The following PPFIA2 variants were observed in gnomAD, a reference collection of about 807,000 sequenced individuals.
PPFIA2 encodes the protein PPFI scaffold protein A2.
PPFIA2 carries 46 observed loss-of-function variants against 175.5 expected under a neutral mutation model. That is an observed-to-expected ratio of 0.26 (90% CI 0.21 to 0.34). PPFIA2 has a LOEUF of 0.34. Among genes scored for constraint, PPFIA2 ranks in the 10% least tolerant of loss-of-function variants. The probability of loss-of-function intolerance (pLI) is 1.00; values close to 1 mark genes in which losing one functional copy is unlikely to be tolerated. For missense variants in PPFIA2, 1,179 were observed against 1,506.1 expected, an observed-to-expected ratio of 0.78 and a Z score of 3.60; for synonymous variants, 568 against 511.4, an observed-to-expected ratio of 1.11 and a Z score of -1.49.
intron 4 of PPFIA2, among the ~76,000 whole-genome samples, chr12:81,607,851 T>C (rs1209962479): frequency 6.6e-6 from 1 of 152,216 alleles, no homozygotes; most frequent in Non-Finnish European, 1.5e-5. Context: ...GTGGTGAGAA[T>C]GGACATCTTT....
chr12:81,396,707 A>T (rs909739586), intron 8 of PPFIA2, among the ~76,000 whole-genome samples: 2 of 152,224 alleles, frequency 1.3e-5, no homozygotes, highest in South Asian at 2.1e-4. Flanking sequence ...ACATTTTTTT[A>T]AAAATGAAAA....
intron 4 of PPFIA2, among the ~76,000 whole-genome samples, chr12:81,645,687 T>C (rs752071936): frequency 9.9e-5 from 15 of 152,184 alleles, no homozygotes; most frequent in Middle Eastern, 3.2e-3. Context: ...ACACACAAAC[T>C]GTTTAATTAT....
At chr12:81,694,698 A>G (rs1280083752) in intron 3 of PPFIA2, among the ~76,000 whole-genome samples, 1 of 152,124 alleles carries the variant, frequency 6.6e-6, no homozygotes, top group African/African-American at 2.4e-5. Flanking sequence ...CTGCATAGTG[A>G]AGCTATGAGA....
chr12:81,366,102 C>T (rs922665580), intron 14 of PPFIA2, among the ~76,000 whole-genome samples: 1 of 146,746 alleles, frequency 6.8e-6, no homozygotes, highest in Non-Finnish European at 1.5e-5. Flanking sequence ...CCCTTCTTTC[C>T]TTCATTCTCT....
At chr12:81,516,594 G>A (rs966471547) in intron 4 of PPFIA2, among the ~76,000 whole-genome samples, 1 of 152,218 alleles carries the variant, frequency 6.6e-6, no homozygotes, top group African/African-American at 2.4e-5. Flanking sequence ...TACACAGGAA[G>A]ACAATATGAA....
chr12:81,720,362 C>T (rs771396669), intron 3 of PPFIA2, among the ~76,000 whole-genome samples: 1 of 151,474 alleles, frequency 6.6e-6, no homozygotes, highest in Non-Finnish European at 1.5e-5. Flanking sequence ...ATGTCAAATG[C>T]ACATACTAAC....
intron 24 of PPFIA2, among the ~76,000 whole-genome samples, chr12:81,288,857 G>A (rs1007948716): frequency 2.6e-5 from 4 of 151,640 alleles, no homozygotes; most frequent in African/African-American, 9.7e-5. Context: ...TAAAGGTTAA[G>A]GTTTATAAAG....
intron 4 of PPFIA2, among the ~76,000 whole-genome samples, chr12:81,504,506 G>A (rs2060936062): frequency 6.6e-6 from 1 of 152,144 alleles, no homozygotes; most frequent in Admixed American, 6.6e-5. Context: ...AGATGCTGGA[G>A]AGGACATGGA....
chr12:81,493,371 G>A (rs940233188), intron 4 of PPFIA2, among the ~76,000 whole-genome samples: 2 of 151,954 alleles, frequency 1.3e-5, no homozygotes, highest in African/African-American at 4.8e-5. Context: ...TCAGATGCTG[G>A]GAAGACAAGA....
At chr12:81,706,302 C>T (rs1221687308) in intron 3 of PPFIA2, among the ~76,000 whole-genome samples, 2 of 152,082 alleles carry the variant, frequency 1.3e-5, no homozygotes, top group Admixed American at 6.5e-5. Context: ...GCACTGAGCA[C>T]TTTTAAAAAT....
At chr12:81,434,325 A>G (rs2048613078) in intron 7 of PPFIA2, among the ~76,000 whole-genome samples, 1 of 152,148 alleles carries the variant, frequency 6.6e-6, no homozygotes, top group South Asian at 2.1e-4. Flanking sequence ...ATTATAGATG[A>G]GAACATATTA....
chr12:81,609,167 T>A (rs1458757468), intron 4 of PPFIA2, among the ~76,000 whole-genome samples: 1 of 152,094 alleles, frequency 6.6e-6, no homozygotes, highest in Admixed American at 6.6e-5. Flanking sequence ...TTAATTTTTT[T>A]AATTTATTGA....
chr12:81,666,420 A>G (rs751059401), intron 4 of PPFIA2, among the ~76,000 whole-genome samples: 6 of 152,224 alleles, frequency 3.9e-5, no homozygotes, highest in Non-Finnish European at 8.8e-5. Context: ...ACCATGGAAT[A>G]TTATGCAGCC....
Position 81,543,682 on chromosome 12 carries a change from G to A in PPFIA2, c.304-85816C>T, listed in dbSNP as rs118016665. On this transcript the variant is annotated intron_variant, in intron 4 of 32. Transcript: ENST00000549396. ...TGGAATGAGTTCACAGAGTATGGAC[G>A]TGGGCAGGAAAAAAATAACTTTATA... is the stretch of plus-strand genomic sequence containing the variant. 4.9e-3 allele frequency among the ~76,000 whole-genome samples: 740 copies of A among 152,112 alleles called. 6 individuals carry two copies. Among genetic ancestry groups the A allele is most frequent in the Non-Finnish European group, 8.0e-3 (546 of 67,974 alleles).
intron 4 of PPFIA2, among the ~76,000 whole-genome samples, chr12:81,609,273 C>G (rs558121545): frequency 9.1e-4 from 138 of 152,082 alleles, no homozygotes; most frequent in African/African-American, 3.0e-3. Context: ...GTGGAGTGTT[C>G]TATAGATGTC....
intron 1 of PPFIA2, 24 bp downstream of exon 1, chr12:81,759,256 C>T (rs2085158705): frequency 6.7e-6 from 1 of 149,450 alleles, no homozygotes; most frequent in Non-Finnish European, 1.5e-5. Context: ...TCTTTGCTTG[C>T]TTCAATTGGC....
intron 7 of PPFIA2, among the ~76,000 whole-genome samples, chr12:81,418,975 A>G (rs1421796754): frequency 6.6e-6 from 1 of 152,066 alleles, no homozygotes; most frequent in Non-Finnish European, 1.5e-5. Flanking sequence ...AAAACAGTTT[A>G]AAATTGAATG....
In PPFIA2 at chr12:81,754,013, C is replaced by T. The variant is rs2084254118; in HGVS notation, c.209G>A (p.Arg70Gln). ...QQRLQDVIYD[R>Q]DSLQRQLNSA... The stretch of plus-strand genomic sequence containing the variant: ...ATTGAGCTGTCTCTGGAGTGAGTCT[C>T]GGTCATAGATGACATCCTGAAGTCT... Residue 70 changes from arginine (R) to glutamine (Q), a missense_variant, in exon 3 of 33, where the codon CGA becomes CAA. Physicochemically the swap from Arg to Gln is conservative, Grantham distance 43. Around this residue, in one of 10 missense-constraint regions of PPFIA2, gnomAD observed 128 missense variants for 141.4 expected, o/e 0.91. Transcript: ENST00000549396. 1.9e-6 allele frequency: 3 copies of T among 1,613,842 alleles called. No homozygotes were observed. Among genetic ancestry groups the T allele is most frequent in the Non-Finnish European group, 1.7e-6 (2 of 1,179,844 alleles).
At chr12:81,609,083 T>C (rs892069994) in intron 4 of PPFIA2, among the ~76,000 whole-genome samples, 2 of 142,364 alleles carry the variant, frequency 1.4e-5, no homozygotes, top group Non-Finnish European at 3.0e-5. Flanking sequence ...CATGTATTTG[T>C]ATACTATAGA....
Sources: allele counts gnomAD v4.1 joint callset (sites outside exome capture counted in the v4.1 genomes callset), GRCh38; gene constraint gnomAD v4.1.1; regional missense constraint gnomAD v4.1.1; transcripts MANE v1.5; gene names NCBI Gene and HGNC (gene_info 2026-07-23, HGNC 2026-07-21).